Variants in DNAJB1 observed in about 807,000 individuals in gnomAD.
The protein encoded by DNAJB1 is dnaJ homolog subfamily B member 1.
DNAJB1 carries 14 observed loss-of-function variants against 24.0 expected under a neutral mutation model. That is an observed-to-expected ratio of 0.58 (90% CI 0.39 to 0.91). DNAJB1 has a LOEUF of 0.91. Ranked by LOEUF, DNAJB1 falls within the 40% of genes least tolerant of loss-of-function variation. The pLI is 0.00. For missense variants in DNAJB1, 517 were observed against 458.1 expected (o/e 1.13, Z -1.17); for synonymous variants, 262 against 174.4 (o/e 1.50, Z -3.96).
chr19:14,541,165 A>T (rs1461359648), intron 1 of DNAJB1, among the ~76,000 whole-genome samples: 1 of 151,914 alleles, frequency 6.6e-6, no homozygotes, highest in African/African-American at 2.4e-5. Flanking sequence ...CTTGGTAGAG[A>T]CGCAGTCTCA....
At chr19:14,522,091 AGATATTG>A (rs2146529444), upstream of DNAJB1, among the ~76,000 whole-genome samples, 1 of 152,322 alleles carries the variant, frequency 6.6e-6, no homozygotes, top group South Asian at 2.1e-4. Context: ...CAACTTCAGC[AGATATTG>A]GGCTCTTAAC....
intron 1 of DNAJB1, among the ~76,000 whole-genome samples, chr19:14,540,524 T>A (rs575753787): frequency 1.6e-4 from 25 of 152,136 alleles, no homozygotes; most frequent in Non-Finnish European, 3.5e-4. Flanking sequence ...CCCGAGTAGC[T>A]GGGATTACTG....
At chr19:14,548,913 G>C (rs2073394133) in intron 1 of DNAJB1, among the ~76,000 whole-genome samples, 1 of 152,100 alleles carries the variant, frequency 6.6e-6, no homozygotes, top group African/African-American at 2.4e-5. Context: ...CACTGTGGCA[G>C]CCACAGATGA....
upstream of DNAJB1, among the ~76,000 whole-genome samples, chr19:14,520,225 T>G (rs2072345048): frequency 6.6e-6 from 1 of 152,306 alleles, no homozygotes; most frequent in African/African-American, 2.4e-5. Flanking sequence ...CTAACCATTT[T>G]CTTAGTGGTG....
intron 1 of DNAJB1, among the ~76,000 whole-genome samples, chr19:14,543,952 G>T (rs1676059585): frequency 6.6e-6 from 1 of 150,596 alleles, no homozygotes; most frequent in South Asian, 2.1e-4. Context: ...TGGCCAGGCA[G>T]GTCTCGAACT....
chr19:14,555,819 T>G (rs981693027), intron 1 of DNAJB1, among the ~76,000 whole-genome samples: 1 of 152,096 alleles, frequency 6.6e-6, no homozygotes, highest in African/African-American at 2.4e-5. Context: ...CTCCTGGGCT[T>G]AAGTGATCAT....
At chr19:14,528,557 G>C (rs2072490836) in intron 1 of DNAJB1, among the ~76,000 whole-genome samples, 2 of 152,040 alleles carry the variant, frequency 1.3e-5, no homozygotes, top group African/African-American at 4.8e-5. Flanking sequence ...CCCATTTCAA[G>C]GGCTCAGTGG....
intron 1 of DNAJB1, among the ~76,000 whole-genome samples, chr19:14,543,419 ATTTTT>A (rs1169742953): frequency 8.7e-4 from 19 of 21,832 alleles, no homozygotes; most frequent in African/African-American, 1.5e-3. Context: ...ATATATATAT[ATTTTT>A]TTTTTTTTTT....
At position 14,518,027 on chromosome 19, in the gene DNAJB1, C is replaced by T. The variant is rs1237570318; in HGVS notation, c.211+112G>A. ...CGCGAGGCCGGAGGGCGGGGCAGCT[C>T]GGCCCCACGGCCCGGGGCGTCCTTC... is the stretch of plus-strand genomic sequence containing the variant. On this transcript the variant is annotated intron_variant, in intron 1 of 2. Coordinates refer to ENST00000254322, the MANE Select transcript of DNAJB1 (RefSeq NM_006145.3). 1.1e-5 allele frequency: 13 copies of T among 1,192,006 alleles called. No homozygotes were observed. In the South Asian group the frequency reaches 2.1e-4, roughly 20 times the overall value. 73.8% of individuals were successfully genotyped at this position (1,192,006 alleles called of 1,614,324 possible). A position where few individuals can be genotyped will look rare whatever the true frequency, so the allele number is the denominator to read the frequency against.
chr19:14,540,474 C>T (rs537407639), intron 1 of DNAJB1, among the ~76,000 whole-genome samples: 1 of 152,028 alleles, frequency 6.6e-6, no homozygotes, highest in Non-Finnish European at 1.5e-5. Context: ...CTCTCTGCAA[C>T]CTCTGCGTCT....
intron 1 of DNAJB1, among the ~76,000 whole-genome samples, chr19:14,545,483 C>T (rs2073273881): frequency 6.6e-6 from 1 of 152,142 alleles, no homozygotes; most frequent in African/African-American, 2.4e-5. Context: ...TTGTTCATGT[C>T]CCCTTGAGCA....
rs73927062 is a variant in DNAJB1, at chr19:14,558,399, C to T, written c.-2166+1632G>A. Among the ~76,000 whole-genome samples, 536 of 152,326 alleles carry T rather than the reference C, an allele frequency of 3.5e-3. 6 individuals are homozygous for T. The highest frequency in any genetic ancestry group is 0.012 in the African/African-American group (491 of 41,572). ...CTCTGGGCTTGGGAGGCACAAACCT[C>T]GCCCCTGCTCCCTCTTGCAGGGTGC... is the stretch of plus-strand genomic sequence containing the variant. On this transcript the variant is annotated intron_variant, in intron 1 of 5. Coordinates refer to the DNAJB1 transcript ENST00000679223.
In DNAJB1 at chr19:14,515,970, TC is replaced by T. The variant is rs754487743; in HGVS notation, c.992del (p.Arg331LysfsTer75). The T allele has an allele frequency of 6.2e-7, 1 of 1,610,408 alleles. No individual in the cohort carries two copies. The highest frequency in any genetic ancestry group is 1.3e-5 in the African/African-American group (1 of 74,366). ...TTGGAAGAACCTGCTCAAGTACGGTTCTTGATGTCTGGGGAATCCTTTCGGG... is the reference window on the plus strand; with the variant it reads ...TTGGAAGAACCTGCTCAAGTACGGTTTTGATGTCTGGGGAATCCTTTCGGG... Reference protein sequence around the residue: ...IFPERIPQTSRTVLEQVLPI With the variant: ...IFPERIPQTSXTVLEQVLPI On this transcript the variant is annotated frameshift_variant, in exon 3 of 3. Coordinates refer to ENST00000254322, the MANE Select transcript of DNAJB1 (RefSeq NM_006145.3). LOFTEE classifies it high-confidence loss of function.
rs902131620 is a variant in DNAJB1, at chr19:14,515,184, C to T, written c.*756G>A. On this transcript the variant is annotated 3_prime_UTR_variant, in exon 3 of 3. Transcript: ENST00000254322. The stretch of plus-strand genomic sequence containing the variant: ...AAAATTACCTGGGCCACTGGTAAGC[C>T]CCACGTGTGCCAAGATTGCCTTACA... 1 of 152,554 alleles carries T rather than the reference C, an allele frequency of 6.6e-6. No individual in the cohort carries two copies. The highest frequency in any genetic ancestry group is 1.5e-5 in the Non-Finnish European group (1 of 68,062). 9.5% of individuals were successfully genotyped at this position (152,554 alleles called of 1,614,324 possible).
Position 14,515,640 on chromosome 19 carries a change from C to T in DNAJB1, c.*300G>A. On this transcript the variant is annotated 3_prime_UTR_variant, in exon 3 of 3. Coordinates refer to ENST00000254322, the MANE Select transcript of DNAJB1 (RefSeq NM_006145.3). ...AGTCCATCTGCTGGTCTGCCTCTCA[C>T]CCCTGGCCAGGGACTGGAGGTGGAT... The T allele has an allele frequency of 2.6e-6, 1 of 383,690 alleles. No homozygotes were observed. 23.8% of individuals were successfully genotyped at this position (383,690 alleles called of 1,614,324 possible). A position where few individuals can be genotyped will look rare whatever the true frequency, so the allele number is the denominator to read the frequency against.
intron 1 of DNAJB1, chr19:14,517,557 C>G (rs1428961505): frequency 6.5e-6 from 1 of 154,702 alleles, no homozygotes; most frequent in African/African-American, 2.4e-5. Flanking sequence ...GAATCATCAA[C>G]GGGCACAGGA....
chr19:14,533,343 C>G (rs1336342993), upstream of DNAJB1, among the ~76,000 whole-genome samples: 1 of 151,632 alleles, frequency 6.6e-6, no homozygotes, highest in Non-Finnish European at 1.5e-5. Flanking sequence ...TCACTTCAAC[C>G]TGGGAGGTGG....
chr19:14,527,165 CTTTTTTTTTTTTTT>C lies in DNAJB1; in HGVS notation c.-90+547_-90+560del, dbSNP rs369143149. On this transcript the variant is annotated intron_variant, in intron 2 of 3. Coordinates refer to the DNAJB1 transcript ENST00000396969. ...AACTGCCACCAGAAAAATATCTCTG[CTTTTTTTTTTTTTT>C]TTTTTTTTTTTTTTTTTTTGAGACG... Among the ~76,000 whole-genome samples, 63 of 41,308 alleles carry C rather than the reference CTTTTTTTTTTTTTT, an allele frequency of 1.5e-3. 1 individual carries two copies. Among genetic ancestry groups the C allele is most frequent in the Admixed American group, 6.1e-3 (15 of 2,472 alleles). 27.1% of individuals were successfully genotyped at this position (41,308 alleles called of 152,430 possible). A position where few individuals can be genotyped will look rare whatever the true frequency, so the allele number is the denominator to read the frequency against.
upstream of DNAJB1, among the ~76,000 whole-genome samples, chr19:14,518,873 G>A (rs368181737): frequency 1.8e-4 from 28 of 152,324 alleles, no homozygotes; most frequent in South Asian, 3.3e-3. Context: ...CGGTGACGCC[G>A]GACGAACTAC....
Sources: allele counts gnomAD v4.1 joint callset (sites outside exome capture counted in the v4.1 genomes callset), GRCh38; gene constraint gnomAD v4.1.1; transcripts MANE v1.5; gene names NCBI Gene and HGNC (gene_info 2026-07-23, HGNC 2026-07-21).